Variants in FRMPD1 observed in about 807,000 individuals in gnomAD.
The protein encoded by FRMPD1 is FERM and PDZ domain-containing protein 1.
FRMPD1 carries 76 observed loss-of-function variants against 117.8 expected under a neutral mutation model. The ratio of observed to expected loss-of-function variants is 0.65; its 90% CI spans 0.54 to 0.78. FRMPD1 has a LOEUF of 0.78. Ranked by LOEUF, FRMPD1 falls within the 30% of genes least tolerant of loss-of-function variation. FRMPD1 has a pLI of 0.00. For synonymous variants in FRMPD1, 783 were observed against 770.4 expected (o/e 1.02, Z -0.27); for missense variants, 1,786 against 1,964.5 (o/e 0.91, Z 1.72).
intron 1 of FRMPD1, among the ~76,000 whole-genome samples, chr9:37,687,795 A>G (rs1169708432): frequency 6.6e-6 from 1 of 152,230 alleles, no homozygotes; most frequent in Non-Finnish European, 1.5e-5. Flanking sequence ...TAAGAAGTAA[A>G]TATAAATGGC....
At chr9:37,732,181 C>T in intron 9 of FRMPD1, 123 bp from the exon 10 acceptor site, 1 of 984,532 alleles carries the variant, frequency 1.0e-6, no homozygotes. Flanking sequence ...GTCACACAGC[C>T]AAGAACTGTC....
At chr9:37,732,833 C>T (rs185635342) in intron 10 of FRMPD1, among the ~76,000 whole-genome samples, 9 of 152,354 alleles carry the variant, frequency 5.9e-5, no homozygotes, top group South Asian at 2.1e-4. Flanking sequence ...TCAAGTCCTA[C>T]GATTCCAGCA....
upstream of FRMPD1, among the ~76,000 whole-genome samples, chr9:37,650,264 T>C (rs1469570469): frequency 6.6e-6 from 1 of 150,812 alleles, no homozygotes; most frequent in Non-Finnish European, 1.5e-5. Context: ...ACCAGGGGAG[T>C]GGGTGAGACG....
chr9:37,653,225 C>T (rs28441464), intron 1 of FRMPD1, among the ~76,000 whole-genome samples: 2,196 of 152,270 alleles, frequency 0.014, 51 homozygotes, highest in African/African-American at 0.05. Flanking sequence ...TAATTCCAAA[C>T]TCACAAGATT....
intron 9 of FRMPD1, 148 bp downstream of exon 9, chr9:37,731,251 G>T (rs911750368): frequency 1.4e-6 from 1 of 710,712 alleles, no homozygotes; most frequent in African/African-American, 1.8e-5. Flanking sequence ...TCATCGCTCA[G>T]AATTCCCTTT....
At chr9:37,736,531 CAA>C (rs57388208) in intron 13 of FRMPD1, among the ~76,000 whole-genome samples, 1,714 of 88,526 alleles carry the variant, frequency 0.019, 28 homozygotes, top group African/African-American at 0.051. Context: ...AACTCTGTCT[CAA>C]AAAAAAAAAA....
the FRMPD1 span, among the ~76,000 whole-genome samples, chr9:37,630,265 C>A: frequency 3.2e-3 from 486 of 152,310 alleles, 6 homozygotes; most frequent in African/African-American, 0.011. Flanking sequence ...ATATGTCTTA[C>A]AATTGATAGT....
At chr9:37,715,900 C>T (rs1239724930) in intron 5 of FRMPD1, among the ~76,000 whole-genome samples, 1 of 152,094 alleles carries the variant, frequency 6.6e-6, no homozygotes. Context: ...TAGCTCGGAG[C>T]AAGTCCACTT....
intron 5 of FRMPD1, chr9:37,715,606 G>T: frequency 2.2e-6 from 1 of 455,958 alleles, no homozygotes; most frequent in Non-Finnish European, 4.4e-6. Context: ...TCCAGAGAGA[G>T]CTTAGAAGTT....
At chr9:37,735,167 C>G (rs1482148617) in intron 12 of FRMPD1, among the ~76,000 whole-genome samples, 2 of 152,156 alleles carry the variant, frequency 1.3e-5, no homozygotes, top group Non-Finnish European at 2.9e-5. Flanking sequence ...AGGGAGATTT[C>G]TGGCTTAAGG....
chr9:37,698,833 G>T (rs1489495055), intron 2 of FRMPD1, among the ~76,000 whole-genome samples: 2 of 152,126 alleles, frequency 1.3e-5, no homozygotes, highest in East Asian at 3.8e-4. Flanking sequence ...CTGCCTCATA[G>T]GTTCAAGTGA....
At chr9:37,678,992 T>A (rs1821629251) in intron 1 of FRMPD1, among the ~76,000 whole-genome samples, 1 of 152,150 alleles carries the variant, frequency 6.6e-6, no homozygotes, top group Non-Finnish European at 1.5e-5. Flanking sequence ...TGGAGAAGCC[T>A]CTAATCTCGG....
chr9:37,646,301 G>A (rs952411893), upstream of FRMPD1, among the ~76,000 whole-genome samples: 1 of 152,176 alleles, frequency 6.6e-6, no homozygotes, highest in Non-Finnish European at 1.5e-5. Context: ...GCTTAAGTCT[G>A]TAGTAGGCAC....
At chr9:37,685,651 CAAA>C (rs58838015) in intron 1 of FRMPD1, among the ~76,000 whole-genome samples, 1 of 144,596 alleles carries the variant, frequency 6.9e-6, no homozygotes. Context: ...GACTCCGTCT[CAAA>C]AAAAAAAAAA....
chr9:37,638,004 CTTTCTTTCTTTCTTTCTT>C, the FRMPD1 span, among the ~76,000 whole-genome samples: 13 of 125,756 alleles, frequency 1.0e-4, 2 homozygotes, highest in African/African-American at 3.8e-4. Context: ...TTCTTTCTTT[CTTTCTTTCTTTCTTTCTT>C]TCTCTCTCTT....
chr9:37,740,858 A>T lies in FRMPD1; in HGVS notation c.2330A>T (p.Lys777Met), dbSNP rs561912339. 1 of 1,614,088 alleles carries T rather than the reference A, an allele frequency of 6.2e-7. No homozygotes were observed. The highest frequency in any genetic ancestry group is 1.3e-5 in the African/African-American group (1 of 75,060). ...SDEEYYDAAD[K>M]LTPPGPPSGP... is the part of the protein sequence containing the mutation. ...GAGGAATACTATGACGCGGCTGATA[A>T]GCTCACTCCCCCAGGCCCCCCGTCA... is the stretch of plus-strand genomic sequence containing the variant. Residue 777 changes from lysine (K) to methionine (M), a missense_variant, in exon 15 of 16, where the codon AAG (lysine) becomes ATG (methionine). Physicochemically the swap from Lys to Met is moderately conservative, Grantham distance 95 (BLOSUM62 -1). Coordinates refer to ENST00000377765, the MANE Select transcript of FRMPD1 (RefSeq NM_014907.3). The surrounding 1 kb of genome is among the most constrained non-coding windows in gnomAD (Gnocchi z 4.2).
chr9:37,621,258 A>T, the FRMPD1 span, among the ~76,000 whole-genome samples: 1 of 152,226 alleles, frequency 6.6e-6, no homozygotes, highest in Non-Finnish European at 1.5e-5. Flanking sequence ...AGGGTGTTAG[A>T]CTAGAAGTTT....
the FRMPD1 span, among the ~76,000 whole-genome samples, chr9:37,611,948 C>T: frequency 2.6e-5 from 4 of 152,120 alleles, no homozygotes; most frequent in African/African-American, 9.7e-5. Context: ...AGGCCAGTGG[C>T]GATTCCCAGT....
intron 1 of FRMPD1, among the ~76,000 whole-genome samples, chr9:37,691,308 G>T (rs1041336804): frequency 6.6e-6 from 1 of 152,138 alleles, no homozygotes; most frequent in East Asian, 1.9e-4. Flanking sequence ...TCAACCTTAT[G>T]CTCATCCTTG....
Sources: gnomAD v4.1 joint callset for allele counts (sites outside exome capture counted in the v4.1 genomes callset) on GRCh38, gnomAD v4.1.1 for gene constraint, Gnocchi (gnomAD v3.1) non-coding constraint, MANE v1.5 for transcripts, NCBI Gene and HGNC (gene_info 2026-07-23, HGNC 2026-07-21) for gene names.